MYO5C: variants seen among roughly 807,000 people sequenced by gnomAD.
The protein encoded by MYO5C is myosin VC.
MYO5C carries 194 observed loss-of-function variants against 235.7 expected under a neutral mutation model. The observed-to-expected ratio is 0.82, with a 90% CI of 0.73 to 0.93. The LOEUF (loss-of-function observed/expected upper bound fraction) is 0.93, where lower values mean the gene tolerates loss of function less well. Among genes scored for constraint, MYO5C ranks in the 40% least tolerant of loss-of-function variants. The probability of loss-of-function intolerance (pLI) is 0.00; values close to 1 mark genes in which losing one functional copy is unlikely to be tolerated. For synonymous variants in MYO5C, 707 were observed against 754.8 expected (o/e 0.94, Z 1.04); for missense variants, 2,038 against 2,127.2 (o/e 0.96, Z 0.82).
intron 5 of MYO5C, among the ~76,000 whole-genome samples, chr15:52,274,577 C>A (rs144964121): frequency 6.6e-6 from 1 of 152,170 alleles, no homozygotes; most frequent in East Asian, 1.9e-4. Flanking sequence ...CGCACCCAGC[C>A]TTGATAACTT....
rs1297429224 is a variant in MYO5C, at chr15:52,246,034, G to C, written c.1988C>G (p.Ser663Cys). The C allele has an allele frequency of 1.9e-6, 3 of 1,613,842 alleles. No individual in the cohort carries two copies. The highest frequency in any genetic ancestry group is 2.2e-5 in the South Asian group (2 of 91,032). ...NDEKLPFEFD[S>C]KRIVQQLRAC... ...TCGCAGCTGCTGAACAATTCTTTTG[G>C]AGTCAAATCTTTAAAAAGACAATGA... The change falls in exon 17 of 41, where the codon TCC becomes TGC. Residue 663 changes from serine (S) to cysteine (C), a missense_variant. By Grantham distance (112) the Ser-to-Cys change is moderately radical. Coordinates refer to ENST00000261839, the MANE Select transcript of MYO5C (RefSeq NM_018728.4).
chr15:52,283,598 A>G (rs1167887672), intron 1 of MYO5C, among the ~76,000 whole-genome samples: 4 of 152,086 alleles, frequency 2.6e-5, no homozygotes, highest in Non-Finnish European at 5.9e-5. Context: ...CCTAACCCCC[A>G]ATTGACTATA....
chr15:52,281,520 G>A (rs1413736932), intron 2 of MYO5C, among the ~76,000 whole-genome samples: 1 of 152,236 alleles, frequency 6.6e-6, no homozygotes, highest in Non-Finnish European at 1.5e-5. Flanking sequence ...AAAACTGCGA[G>A]GAGCTCCTGT....
At chr15:52,285,714 G>A (rs1391643452) in intron 1 of MYO5C, among the ~76,000 whole-genome samples, 6 of 152,238 alleles carry the variant, frequency 3.9e-5, no homozygotes, top group Admixed American at 6.5e-5. Flanking sequence ...CGAGTGATCC[G>A]CCAGCCTCGG....
intron 1 of MYO5C, among the ~76,000 whole-genome samples, chr15:52,285,459 CCGTCTCCCT>C (rs2037244383): frequency 2.7e-5 from 4 of 148,998 alleles, no homozygotes; most frequent in Admixed American, 6.6e-5. Flanking sequence ...TCTCCCTCTC[CCGTCTCCCT>C]CCTCTCCCTC....
intron 10 of MYO5C, among the ~76,000 whole-genome samples, chr15:52,257,858 T>C (rs1177847683): frequency 2.0e-5 from 3 of 152,200 alleles, no homozygotes; most frequent in African/African-American, 7.2e-5. Flanking sequence ...GGAGTCTCAC[T>C]TGACTGAGCT....
At chr15:52,218,475 C>A in intron 32 of MYO5C, 44 bp downstream of exon 32, 1 of 1,594,252 alleles carries the variant, frequency 6.3e-7, no homozygotes, top group Admixed American at 1.7e-5. Flanking sequence ...TCAGCAACAT[C>A]TGCACACAGA....
In MYO5C at chr15:52,295,772, A is replaced by G. The variant is rs1039874204; in HGVS notation, c.-136T>C. ...GGGCCATCTTGCCCAAAGTTTTCCA[A>G]CGGCCTCCTGTTCCCGTTCCCGAGT... On this transcript the variant is annotated 5_prime_UTR_variant, in exon 1 of 41. Coordinates refer to ENST00000261839, the MANE Select transcript of MYO5C (RefSeq NM_018728.4). 97 of 542,892 alleles carry G rather than the reference A, an allele frequency of 1.8e-4. No individual in the cohort carries two copies. Among genetic ancestry groups the G allele is most frequent in the South Asian group, 3.6e-4 (9 of 24,884 alleles). The allele number at this position is 542,892 out of a possible 1,614,324, so 33.6% of individuals were successfully genotyped here.
Position 52,265,536 on chromosome 15 carries a change from G to GTT in MYO5C, c.941-1242_941-1241dup, listed in dbSNP as rs1450130591. Reference sequence around the variant, plus strand: ...TTCTTTAACAATTTCAAAACCTACAGTTTTTTGTTTTTTTTTTTTTGAGAC... The same window carrying GTT: ...TTCTTTAACAATTTCAAAACCTACAGTTTTTTTTGTTTTTTTTTTTTTGAGAC... On this transcript the variant is annotated intron_variant, in intron 8 of 40. Transcript: ENST00000261839. Among the ~76,000 whole-genome samples the GTT allele has an allele frequency of 2.0e-3, 285 of 139,218 alleles. 1 individual carries two copies. Among genetic ancestry groups the GTT allele is most frequent in the African/African-American group, 7.6e-3 (276 of 36,110 alleles). The allele number at this position is 139,218 out of a possible 152,430, so 91.3% of individuals were successfully genotyped here.
chr15:52,224,240 G>T (rs988709937), intron 28 of MYO5C, among the ~76,000 whole-genome samples: 6 of 152,192 alleles, frequency 3.9e-5, no homozygotes, highest in African/African-American at 9.7e-5. Flanking sequence ...CCAAGATCTT[G>T]CCACTGCACT....
intron 8 of MYO5C, among the ~76,000 whole-genome samples, chr15:52,267,428 G>A (rs2036835611): frequency 6.6e-6 from 1 of 152,222 alleles, no homozygotes; most frequent in Non-Finnish European, 1.5e-5. Context: ...GCTTATGCCT[G>A]TAATCCCAGC....
Position 52,247,778 on chromosome 15 carries a change from T to C in MYO5C, c.1747-186A>G, listed in dbSNP as rs1346023389. ...TTTCATAGGGATGGCCCGTGACTTC[T>C]TTCCCGAGAAGGGGAACAGAGAAGA... On this transcript the variant is annotated intron_variant, in intron 14 of 40. Coordinates refer to ENST00000261839, the MANE Select transcript of MYO5C (RefSeq NM_018728.4). Among the ~76,000 whole-genome samples, 3 of 152,216 alleles carry C rather than the reference T, an allele frequency of 2.0e-5. No homozygotes were observed. The East Asian group carries it at 5.8e-4, about 29-fold the overall frequency.
At chr15:52,201,829 A>G (rs1172039943) in intron 38 of MYO5C, among the ~76,000 whole-genome samples, 1 of 151,948 alleles carries the variant, frequency 6.6e-6, no homozygotes, top group Admixed American at 6.6e-5. Flanking sequence ...ATGTGGTAAG[A>G]TATTGATTCT....
At chr15:52,288,779 G>A (rs2037327414) in intron 1 of MYO5C, among the ~76,000 whole-genome samples, 1 of 152,190 alleles carries the variant, frequency 6.6e-6, no homozygotes, top group African/African-American at 2.4e-5. Flanking sequence ...AGCTCGCCAA[G>A]CCCTTCAGCG....
chr15:52,227,283 C>T (rs2035849476), intron 25 of MYO5C, among the ~76,000 whole-genome samples: 1 of 149,544 alleles, frequency 6.7e-6, no homozygotes, highest in African/African-American at 2.5e-5. Context: ...CAACCTCCAC[C>T]TCCCAGGTTC....
Position 52,251,376 on chromosome 15 carries a change from G to C in MYO5C, c.1662+14C>G. 1 of 1,587,614 alleles carries C rather than the reference G, an allele frequency of 6.3e-7. No individual in the cohort carries two copies. The highest frequency in any genetic ancestry group is 8.6e-7 in the Non-Finnish European group (1 of 1,165,020). On this transcript the variant is annotated intron_variant, in intron 13 of 40. Coordinates refer to ENST00000261839, the MANE Select transcript of MYO5C (RefSeq NM_018728.4). ...TTCCGGGGTTGACAGCATTGATGGA[G>C]ACCTTCACGGTACCTTATCAGCAAA...
Position 52,193,986 on chromosome 15 carries a change from T to C in MYO5C, c.5145A>G (p.Thr1715=). Residue 1715 remains threonine, a synonymous_variant, in exon 41 of 41, where the codon ACA becomes ACG. Coordinates refer to ENST00000261839, the MANE Select transcript of MYO5C (RefSeq NM_018728.4). ...CATGTGGAGAGGGGGTAAAAGGAAATGTGACTTGAAAGAGATATTTGGTAT... is the reference window on the plus strand; with the variant it reads ...CATGTGGAGAGGGGGTAAAAGGAAACGTGACTTGAAAGAGATATTTGGTAT... The part of the protein sequence containing the change: ...MLDTKYLFQV[T]FPFTPSPHAL... The C allele has an allele frequency of 6.2e-7, 1 of 1,613,714 alleles. No homozygotes were observed. Among genetic ancestry groups the C allele is most frequent in the Non-Finnish European group, 8.5e-7 (1 of 1,179,882 alleles).
intron 5 of MYO5C, 27 bp from the exon 6 acceptor site, chr15:52,272,750 T>C (rs2036954192): frequency 6.2e-7 from 1 of 1,606,646 alleles, no homozygotes; most frequent in Non-Finnish European, 8.5e-7. Context: ...TCTATTGAAA[T>C]AACAACATTA....
At chr15:52,248,892 C>G (rs1347435706) in intron 13 of MYO5C, 109 bp from the exon 14 acceptor site, 3 of 752,340 alleles carry the variant, frequency 4.0e-6, no homozygotes, top group Non-Finnish European at 6.5e-6. Context: ...GCTACAGAGG[C>G]AATCTTACAA....
Sources: allele counts gnomAD v4.1 joint callset (sites outside exome capture counted in the v4.1 genomes callset), GRCh38; gene constraint gnomAD v4.1.1; transcripts MANE v1.5; gene names NCBI Gene and HGNC (gene_info 2026-07-23, HGNC 2026-07-21).